The following GSG1L variants were observed in gnomAD, a reference collection of about 807,000 sequenced individuals.
GSG1L encodes germ cell-specific gene 1-like protein.
Under a neutral mutation model 42.1 loss-of-function variants are expected in GSG1L, and 24 were observed. The observed-to-expected ratio is 0.57, with a 90% CI of 0.41 to 0.80. The LOEUF is 0.80. Among genes scored for constraint, GSG1L ranks in the 30% least tolerant of loss-of-function variants. GSG1L has a pLI of 0.00. For missense variants in GSG1L, 445 were observed against 472.2 expected (o/e 0.94, Z 0.53); for synonymous variants, 215 against 203.5 (o/e 1.06, Z -0.48).
intron 1 of GSG1L, among the ~76,000 whole-genome samples, chr16:28,049,082 G>A (rs896346657): frequency 6.6e-6 from 1 of 152,120 alleles, no homozygotes; most frequent in Non-Finnish European, 1.5e-5. Context: ...CTCTCTGGAG[G>A]TCTGGAAAGC....
intron 4 of GSG1L, among the ~76,000 whole-genome samples, chr16:27,829,657 C>T (rs557874831): frequency 6.6e-6 from 1 of 152,272 alleles, no homozygotes; most frequent in Admixed American, 6.5e-5. Flanking sequence ...AGTGATCCTC[C>T]TGCCTCAGCC....
Position 27,884,369 on chromosome 16 carries a change from C to T in GSG1L, c.550+117G>A. 1.1e-6 allele frequency: 1 copy of T among 927,254 alleles called. No individual in the cohort carries two copies. 57.4% of individuals were successfully genotyped at this position (927,254 alleles called of 1,614,324 possible). On this transcript the variant is annotated intron_variant, in intron 3 of 6. Transcript: ENST00000447459. This position sits in a 1 kb window ranked among gnomAD's most constrained non-coding sequence, Gnocchi z 4.4. ...TTTTACAAACGATAAAACTGAGGCT[C>T]ACAGAAGAGAAGCAATTTGTCCAAT...
chr16:27,887,922 C>T, intron 2 of GSG1L: 1 of 172,046 alleles, frequency 5.8e-6, no homozygotes, highest in Non-Finnish European at 1.2e-5. Context: ...TGGCACCGCA[C>T]ACTCAGAGCC....
chr16:27,962,123 G>C (rs1427941001), intron 2 of GSG1L, among the ~76,000 whole-genome samples: 1 of 152,158 alleles, frequency 6.6e-6, no homozygotes, highest in African/African-American at 2.4e-5. Flanking sequence ...GGCAGGTGGG[G>C]AGGCAGCCAC....
At chr16:28,022,844 G>GT (rs1399073037) in intron 1 of GSG1L, among the ~76,000 whole-genome samples, 1 of 151,862 alleles carries the variant, frequency 6.6e-6, no homozygotes, top group Non-Finnish European at 1.5e-5. Context: ...ATTTTTGTAT[G>GT]TTTTTTTAGT....
intron 2 of GSG1L, among the ~76,000 whole-genome samples, chr16:27,898,013 T>C (rs182648004): frequency 6.6e-6 from 1 of 152,252 alleles, no homozygotes; most frequent in Admixed American, 6.5e-5. Context: ...AACAAACTAG[T>C]TTATCATTGG....
chr16:28,061,728 T>C (rs1253137481), intron 1 of GSG1L, among the ~76,000 whole-genome samples: 1 of 151,972 alleles, frequency 6.6e-6, no homozygotes, highest in African/African-American at 2.4e-5. Flanking sequence ...GGCAGGGAGA[T>C]AAACGCAGTG....
chr16:27,913,482 T>G (rs1311867364), intron 2 of GSG1L, among the ~76,000 whole-genome samples: 1 of 152,214 alleles, frequency 6.6e-6, no homozygotes, highest in East Asian at 1.9e-4. Flanking sequence ...TTTACTCCAA[T>G]ATTTCATAAA....
intron 2 of GSG1L, among the ~76,000 whole-genome samples, chr16:27,946,343 G>C (rs1394018387): frequency 1.3e-5 from 2 of 151,880 alleles, no homozygotes; most frequent in East Asian, 1.9e-4. Context: ...TCAGGAATTC[G>C]AGACCAGCCT....
chr16:27,828,238 C>T (rs2140965651), intron 5 of GSG1L, among the ~76,000 whole-genome samples: 1 of 152,272 alleles, frequency 6.6e-6, no homozygotes, highest in South Asian at 2.1e-4. Context: ...TTCATCCAGC[C>T]ATCCATCTAC....
Position 27,952,721 on chromosome 16 carries a change from A to AT in GSG1L, c.397+10434dup, listed in dbSNP as rs559315092. 5.3e-5 allele frequency among the ~76,000 whole-genome samples: 8 copies of AT among 152,378 alleles called. No individual in the cohort carries two copies. The East Asian group carries it at 1.5e-3, about 29-fold the overall frequency. ...AGGGGCCTGATGTAACTGGATTTTC[A>AT]TTTTAGAAAGATAATTTGAAATTCA... On this transcript the variant is annotated intron_variant, in intron 2 of 6. Transcript: ENST00000447459.
In GSG1L at chr16:27,946,464, G is replaced by A. The variant is rs762154358; in HGVS notation, c.397+16692C>T. Among the ~76,000 whole-genome samples, 132 of 151,414 alleles carry A rather than the reference G, an allele frequency of 8.7e-4. No individual in the cohort carries two copies. In the Middle Eastern group the frequency reaches 0.01, roughly 12 times the overall value. ...GGAGGCTGAGGCAAAAGAATCGCTTGAGCCCAGGAGACAGAGGTTGCAGTG... is the reference window on the plus strand; with the variant it reads ...GGAGGCTGAGGCAAAAGAATCGCTTAAGCCCAGGAGACAGAGGTTGCAGTG... On this transcript the variant is annotated intron_variant, in intron 2 of 6. Transcript: ENST00000447459.
chr16:27,830,973 G>A (rs2083269015), intron 4 of GSG1L, among the ~76,000 whole-genome samples: 1 of 152,240 alleles, frequency 6.6e-6, no homozygotes, highest in African/African-American at 2.4e-5. Flanking sequence ...TGTTTTGTGT[G>A]GGGCTGGCCC....
At chr16:27,951,318 T>C (rs945718135) in intron 2 of GSG1L, among the ~76,000 whole-genome samples, 1 of 152,172 alleles carries the variant, frequency 6.6e-6, no homozygotes, top group Non-Finnish European at 1.5e-5. Flanking sequence ...CTCCATACTA[T>C]CTGGGAATGG....
At chr16:27,840,521 T>C (rs940971032) in intron 4 of GSG1L, among the ~76,000 whole-genome samples, 5 of 151,712 alleles carry the variant, frequency 3.3e-5, no homozygotes, top group African/African-American at 4.8e-5. Context: ...AAAGGAGGAG[T>C]GGGCAGGAGG....
At chr16:27,793,965 T>C (rs2082788084) in intron 6 of GSG1L, among the ~76,000 whole-genome samples, 1 of 152,190 alleles carries the variant, frequency 6.6e-6, no homozygotes, top group South Asian at 2.1e-4. Flanking sequence ...ACAGTGCCAA[T>C]TGTTACCAAG....
chr16:27,818,150 C>A (rs556081727), intron 5 of GSG1L, among the ~76,000 whole-genome samples: 50 of 152,348 alleles, frequency 3.3e-4, no homozygotes, highest in Non-Finnish European at 6.3e-4. Flanking sequence ...CCCATCCTCT[C>A]CCCATGGTCC....
At chr16:27,870,769 T>C (rs906641651) in intron 3 of GSG1L, among the ~76,000 whole-genome samples, 1 of 151,484 alleles carries the variant, frequency 6.6e-6, no homozygotes, top group African/African-American at 2.5e-5. Context: ...CCTCCATGAC[T>C]CCCACCCTTG....
chr16:27,982,501 C>T (rs1342374998), intron 1 of GSG1L, among the ~76,000 whole-genome samples: 1 of 152,156 alleles, frequency 6.6e-6, no homozygotes, highest in Non-Finnish European at 1.5e-5. Context: ...TTTCCTCTTC[C>T]ACCTAGATGC....
Sources: gnomAD v4.1 joint callset for allele counts (sites outside exome capture counted in the v4.1 genomes callset) on GRCh38, gnomAD v4.1.1 for gene constraint, Gnocchi (gnomAD v3.1) non-coding constraint, MANE v1.5 for transcripts, NCBI Gene and HGNC (gene_info 2026-07-23, HGNC 2026-07-21) for gene names.